Variants in LHFPL3 observed in about 807,000 individuals in gnomAD.
LHFPL3 encodes the protein LHFPL tetraspan subfamily member 3.
In LHFPL3, 5 loss-of-function variants were observed where a neutral mutation model predicts 19.3. The observed-to-expected ratio is 0.26, with a 90% CI of 0.14 to 0.54. LHFPL3 has a LOEUF of 0.54. LHFPL3 is among the 20% of genes least tolerant of loss of function. LHFPL3 has a pLI of 0.94. For synonymous variants in LHFPL3, 133 were observed against 126.2 expected (o/e 1.05, Z -0.36); for missense variants, 249 against 307.4 (o/e 0.81, Z 1.42).
intron 2 of LHFPL3, among the ~76,000 whole-genome samples, chr7:104,770,434 T>G (rs1450758891): frequency 2.0e-5 from 3 of 152,204 alleles, no homozygotes; most frequent in Non-Finnish European, 4.4e-5. Context: ...GGTAAAAGAT[T>G]GGAGAAGTAT....
intron 1 of LHFPL3, among the ~76,000 whole-genome samples, chr7:104,537,224 G>A (rs1265395663): frequency 2.0e-5 from 3 of 152,144 alleles, no homozygotes; most frequent in Non-Finnish European, 2.9e-5. Flanking sequence ...AATCTAAAAA[G>A]AGACTTGGAG....
At chr7:104,344,146 G>A (rs1429712997) in intron 1 of LHFPL3, among the ~76,000 whole-genome samples, 3 of 151,988 alleles carry the variant, frequency 2.0e-5, no homozygotes, top group Non-Finnish European at 4.4e-5. Flanking sequence ...AATATATATT[G>A]ATAAGATAAT....
chr7:104,623,046 C>G (rs1479077888), intron 1 of LHFPL3: 1 of 350,152 alleles, frequency 2.9e-6, no homozygotes, highest in Non-Finnish European at 6.0e-6. Context: ...TGTTGAGCAT[C>G]TTTTCATGTA....
chr7:104,549,356 C>CA (rs1794627637), intron 1 of LHFPL3, among the ~76,000 whole-genome samples: 1 of 151,126 alleles, frequency 6.6e-6, no homozygotes. Context: ...TTGATTAGGA[C>CA]AAATAATCAT....
chr7:104,341,802 G>T lies in LHFPL3; in HGVS notation c.445+12578G>T, dbSNP rs76608334. Among the ~76,000 whole-genome samples the T allele has an allele frequency of 3.9e-5, 6 of 152,220 alleles. No homozygotes were observed. The East Asian group carries it at 1.2e-3, about 29-fold the overall frequency. On this transcript the variant is annotated intron_variant, in intron 1 of 2. Coordinates refer to ENST00000424859, the MANE Select transcript of LHFPL3 (RefSeq NM_199000.3). ...ACTTCTGAGAACTTTGCCTTTTACAGGGTCAGGTCCAGACTCATTTTCTCC... is the reference window on the plus strand; with the variant it reads ...ACTTCTGAGAACTTTGCCTTTTACATGGTCAGGTCCAGACTCATTTTCTCC...
rs142237002 is a variant in LHFPL3, at chr7:104,718,655, C to T, written c.446-18020C>T. On this transcript the variant is annotated intron_variant, in intron 1 of 2. Coordinates refer to ENST00000424859, the MANE Select transcript of LHFPL3 (RefSeq NM_199000.3). ...ATTACTAGGTTGGTGCAAAAGTAAT[C>T]GCAATTTTTGCCATGAAAAGTAATG... 2.3e-3 allele frequency among the ~76,000 whole-genome samples: 354 copies of T among 152,246 alleles called. 4 individuals carry two copies. The highest frequency in any genetic ancestry group is 8.0e-3 in the African/African-American group (334 of 41,560).
At chr7:104,828,652 T>C (rs1221719328) in intron 2 of LHFPL3, among the ~76,000 whole-genome samples, 2 of 151,490 alleles carry the variant, frequency 1.3e-5, no homozygotes, top group Non-Finnish European at 2.9e-5. Context: ...ACCTCAGGAG[T>C]GGGGTGAAAA....
intron 1 of LHFPL3, among the ~76,000 whole-genome samples, chr7:104,401,379 A>T (rs73403861): frequency 0.041 from 6,198 of 152,294 alleles, 437 homozygotes; most frequent in African/African-American, 0.14. Context: ...TGAAATTTTT[A>T]AAAAAGTATT....
chr7:104,699,603 A>T (rs545453482), intron 1 of LHFPL3, among the ~76,000 whole-genome samples: 74 of 152,308 alleles, frequency 4.9e-4, no homozygotes, highest in African/African-American at 1.6e-3. Flanking sequence ...AAGATGAAAA[A>T]GTTCTGGAGG....
chr7:104,810,077 A>AGGG (rs1790436666), intron 2 of LHFPL3, among the ~76,000 whole-genome samples: 1 of 152,248 alleles, frequency 6.6e-6, no homozygotes. Context: ...CCAGTTGAAC[A>AGGG]GAGAAATATG....
At chr7:104,354,200 G>T (rs916059945) in intron 1 of LHFPL3, among the ~76,000 whole-genome samples, 24 of 152,110 alleles carry the variant, frequency 1.6e-4, no homozygotes, top group African/African-American at 5.8e-4. Flanking sequence ...CTCCACCCAC[G>T]TGGCTGTATG....
At chr7:104,530,883 A>T (rs1330287459) in intron 1 of LHFPL3, among the ~76,000 whole-genome samples, 5 of 152,240 alleles carry the variant, frequency 3.3e-5, no homozygotes, top group Non-Finnish European at 7.3e-5. Flanking sequence ...GGTAATAAAC[A>T]GTAATTTATG....
chr7:104,893,706 C>G (rs927790292), intron 2 of LHFPL3, among the ~76,000 whole-genome samples: 2 of 152,054 alleles, frequency 1.3e-5, no homozygotes, highest in African/African-American at 4.8e-5. Context: ...AATCCCAGCT[C>G]TTTGGGAGAC....
chr7:104,434,508 G>A (rs917272039), intron 1 of LHFPL3, among the ~76,000 whole-genome samples: 1 of 152,194 alleles, frequency 6.6e-6, no homozygotes, highest in South Asian at 2.1e-4. Flanking sequence ...TGGTTTCAAT[G>A]TGTGATAGGC....
intron 1 of LHFPL3, among the ~76,000 whole-genome samples, chr7:104,498,009 C>A (rs564784732): frequency 2.0e-5 from 3 of 151,894 alleles, no homozygotes; most frequent in African/African-American, 7.3e-5. Context: ...AGGTGGGAAC[C>A]CTAGGTGTGG....
intron 1 of LHFPL3, among the ~76,000 whole-genome samples, chr7:104,391,909 T>C (rs1041771478): frequency 3.3e-5 from 5 of 152,202 alleles, no homozygotes; most frequent in Admixed American, 2.0e-4. Context: ...ACATCCCTTG[T>C]AAGTTGGATT....
chr7:104,646,937 G>A (rs1791946101), intron 1 of LHFPL3, among the ~76,000 whole-genome samples: 5 of 152,294 alleles, frequency 3.3e-5, no homozygotes, highest in African/African-American at 9.6e-5. Context: ...ACAGAGCCAT[G>A]AGCATGAGTA....
intron 1 of LHFPL3, among the ~76,000 whole-genome samples, chr7:104,559,789 C>A (rs892937731): frequency 1.3e-5 from 2 of 150,228 alleles, no homozygotes; most frequent in African/African-American, 2.5e-5. Context: ...CCAGTTTTTG[C>A]CCATTCAGTA....
intron 2 of LHFPL3, among the ~76,000 whole-genome samples, chr7:104,790,374 T>C (rs1203086600): frequency 6.6e-6 from 1 of 152,188 alleles, no homozygotes; most frequent in Non-Finnish European, 1.5e-5. Flanking sequence ...CAGAGCCTGC[T>C]TGTCTACAAT....
Sources: allele counts gnomAD v4.1 joint callset (sites outside exome capture counted in the v4.1 genomes callset), GRCh38; gene constraint gnomAD v4.1.1; transcripts MANE v1.5; gene names NCBI Gene and HGNC (gene_info 2026-07-23, HGNC 2026-07-21).